The following MARCHF3 variants were observed in gnomAD, a reference collection of about 807,000 sequenced individuals.
MARCHF3 encodes membrane associated ring-CH-type finger 3.
Under a neutral mutation model 24.2 loss-of-function variants are expected in MARCHF3, and 13 were observed. The observed-to-expected ratio is 0.54, with a 90% CI of 0.35 to 0.85. MARCHF3 has a LOEUF of 0.85. MARCHF3 is among the 40% of genes least tolerant of loss of function. MARCHF3 has a pLI of 0.01. For synonymous variants in MARCHF3, 144 were observed against 137.3 expected (o/e 1.05, Z -0.34); for missense variants, 276 against 325.0 (o/e 0.85, Z 1.16).
At chr5:126,889,653 T>A (rs1753614119) in intron 3 of MARCHF3, among the ~76,000 whole-genome samples, 1 of 152,164 alleles carries the variant, frequency 6.6e-6, no homozygotes, top group South Asian at 2.1e-4. Context: ...ACTCTTGGAT[T>A]TGCAGTCCCT....
chr5:126,916,155 T>C (rs1420107608), intron 2 of MARCHF3, among the ~76,000 whole-genome samples: 1 of 152,148 alleles, frequency 6.6e-6, no homozygotes, highest in African/African-American at 2.4e-5. Context: ...CAGTGGCCAA[T>C]GGAAAGAGGA....
At chr5:126,882,050 G>A (rs1306468975) in intron 3 of MARCHF3, among the ~76,000 whole-genome samples, 1 of 152,118 alleles carries the variant, frequency 6.6e-6, no homozygotes, top group Non-Finnish European at 1.5e-5. Flanking sequence ...CTATGTAGTA[G>A]GTGATAACAG....
intron 1 of MARCHF3, among the ~76,000 whole-genome samples, chr5:127,000,510 A>G (rs951723277): frequency 2.0e-5 from 3 of 152,116 alleles, no homozygotes; most frequent in Non-Finnish European, 4.4e-5. Context: ...AACAAGTGGG[A>G]CCAGGGAGAA....
chr5:126,878,817 T>C (rs992523999), intron 3 of MARCHF3, among the ~76,000 whole-genome samples: 2 of 152,324 alleles, frequency 1.3e-5, no homozygotes, highest in East Asian at 3.9e-4. Context: ...GCCCCGCACA[T>C]TCCCAAGACA....
intron 1 of MARCHF3, among the ~76,000 whole-genome samples, chr5:126,984,686 G>C (rs1375985739): frequency 6.6e-6 from 1 of 152,180 alleles, no homozygotes; most frequent in Non-Finnish European, 1.5e-5. Context: ...TTTCACTTCT[G>C]GGGATTCACA....
At chr5:126,970,284 C>T (rs554280930) in intron 1 of MARCHF3, among the ~76,000 whole-genome samples, 13 of 151,842 alleles carry the variant, frequency 8.6e-5, no homozygotes, top group South Asian at 2.1e-4. Flanking sequence ...GACAGAGTTT[C>T]GCCATGTTAG....
At chr5:126,882,105 A>G (rs2126769791) in intron 3 of MARCHF3, among the ~76,000 whole-genome samples, 1 of 152,360 alleles carries the variant, frequency 6.6e-6, no homozygotes, top group South Asian at 2.1e-4. Context: ...AGAAAGTTTC[A>G]TAACTCACCT....
At chr5:126,934,945 T>C (rs1482716671) in intron 1 of MARCHF3, among the ~76,000 whole-genome samples, 2 of 152,218 alleles carry the variant, frequency 1.3e-5, no homozygotes, top group Non-Finnish European at 2.9e-5. Flanking sequence ...GAAACTCATG[T>C]ACACATTTTC....
chr5:126,927,880 A>T (rs572842866), intron 1 of MARCHF3, among the ~76,000 whole-genome samples: 10 of 152,196 alleles, frequency 6.6e-5, no homozygotes, highest in Non-Finnish European at 1.3e-4. Context: ...GATAGAAACA[A>T]AAACAACTTT....
At chr5:126,876,082 C>G (rs1391639571) in intron 4 of MARCHF3, among the ~76,000 whole-genome samples, 1 of 152,222 alleles carries the variant, frequency 6.6e-6, no homozygotes, top group East Asian at 1.9e-4. Context: ...GGTACCTTTT[C>G]TACCCAAACC....
chr5:126,899,242 T>G, intron 3 of MARCHF3: 1 of 985,314 alleles, frequency 1.0e-6, no homozygotes, highest in Non-Finnish European at 1.2e-6. Context: ...GGGTGTTTTC[T>G]TATCTTCCCC....
chr5:126,917,016 G>A (rs1473374647), intron 2 of MARCHF3, among the ~76,000 whole-genome samples: 1 of 152,206 alleles, frequency 6.6e-6, no homozygotes, highest in Non-Finnish European at 1.5e-5. Context: ...CAGCATGGGA[G>A]TGTGATTCAG....
At chr5:126,938,768 C>A (rs1465133833) in intron 1 of MARCHF3, among the ~76,000 whole-genome samples, 1 of 152,156 alleles carries the variant, frequency 6.6e-6, no homozygotes, top group Non-Finnish European at 1.5e-5. Context: ...TGCTGAATTA[C>A]AGAAAATTAG....
At position 126,925,104 on chromosome 5, in the gene MARCHF3, C is replaced by T. The variant is rs192487860; in HGVS notation, c.-56-6877G>A. On this transcript the variant is annotated intron_variant, in intron 1 of 4. Transcript: ENST00000308660. ...ATTTTCTGCTAGGTGCTCATTGTCA[C>T]GCTTACAGGGCACAGTTAAGCAGTA... 1.9e-4 allele frequency among the ~76,000 whole-genome samples: 29 copies of T among 152,274 alleles called. No homozygotes were observed. The East Asian group carries it at 4.6e-3, about 24-fold the overall frequency.
chr5:126,910,254 T>C (rs1471003648), intron 3 of MARCHF3, among the ~76,000 whole-genome samples: 1 of 152,230 alleles, frequency 6.6e-6, no homozygotes, highest in East Asian at 1.9e-4. Context: ...TATGAATACA[T>C]GTCTTAGGAG....
intron 1 of MARCHF3, among the ~76,000 whole-genome samples, chr5:126,958,250 G>T (rs1750514074): frequency 1.3e-5 from 2 of 152,088 alleles, no homozygotes; most frequent in South Asian, 4.1e-4. Flanking sequence ...TGATCATGAT[G>T]ACAGGGAATA....
intron 3 of MARCHF3, among the ~76,000 whole-genome samples, chr5:126,897,752 A>G (rs1339797322): frequency 6.6e-6 from 1 of 152,118 alleles, no homozygotes; most frequent in Non-Finnish European, 1.5e-5. Flanking sequence ...AGCACCCAGA[A>G]CAGTGCACAG....
At chr5:126,887,666 C>T (rs1385070251) in intron 3 of MARCHF3, among the ~76,000 whole-genome samples, 2 of 152,206 alleles carry the variant, frequency 1.3e-5, no homozygotes, top group African/African-American at 4.8e-5. Context: ...CTCCTTTGAG[C>T]TCTCACGCAA....
intron 1 of MARCHF3, among the ~76,000 whole-genome samples, chr5:126,989,438 T>G (rs1004858002): frequency 1.2e-4 from 18 of 152,146 alleles, no homozygotes; most frequent in Non-Finnish European, 2.1e-4. Flanking sequence ...CTAACCACTT[T>G]GTTAGAAAGC....
Sources: gnomAD v4.1 joint callset for allele counts (sites outside exome capture counted in the v4.1 genomes callset) on GRCh38, gnomAD v4.1.1 for gene constraint, MANE v1.5 for transcripts, NCBI Gene and HGNC (gene_info 2026-07-23, HGNC 2026-07-21) for gene names.